The following TRAPPC9 variants were observed in gnomAD, a reference collection of about 807,000 sequenced individuals.
The protein encoded by TRAPPC9 is IKK2 binding protein.
A neutral mutation model predicts 124.0 loss-of-function variants in TRAPPC9; 83 were observed. The observed-to-expected ratio is 0.67, with a 90% CI of 0.56 to 0.80. TRAPPC9 has a LOEUF of 0.80. Among genes scored for constraint, TRAPPC9 ranks in the 30% least tolerant of loss-of-function variants. The pLI, the probability that TRAPPC9 is intolerant of heterozygous loss-of-function variation, is 0.00. For missense variants in TRAPPC9, 1,302 were observed against 1,508.3 expected (o/e 0.86, Z 2.27); for synonymous variants, 638 against 617.5 (o/e 1.03, Z -0.49).
intron 14 of TRAPPC9, among the ~76,000 whole-genome samples, chr8:140,279,601 C>G (rs897844815): frequency 2.4e-4 from 37 of 152,200 alleles, no homozygotes; most frequent in African/African-American, 8.0e-4. Flanking sequence ...CACATTCCTC[C>G]CCAGGGCCCA....
chr8:139,833,658 C>A (rs1347528743), intron 21 of TRAPPC9, among the ~76,000 whole-genome samples: 2 of 152,234 alleles, frequency 1.3e-5, no homozygotes, highest in African/African-American at 4.8e-5. Context: ...CGTGGCCTTC[C>A]CAGCAGAACA....
intron 17 of TRAPPC9, among the ~76,000 whole-genome samples, chr8:140,158,021 G>A (rs1402976035): frequency 1.3e-5 from 2 of 151,988 alleles, no homozygotes; most frequent in African/African-American, 4.8e-5. Flanking sequence ...ATTCCCTGTT[G>A]TTGGACATTT....
chr8:140,099,869 G>GC (rs1387940746), intron 17 of TRAPPC9: 2 of 149,626 alleles, frequency 1.3e-5, no homozygotes, highest in African/African-American at 2.5e-5. Context: ...CTAGGTCTCT[G>GC]CGCAGCTGCA....
chr8:140,358,017 A>G (rs952643461), intron 9 of TRAPPC9, among the ~76,000 whole-genome samples: 5 of 152,192 alleles, frequency 3.3e-5, no homozygotes, highest in African/African-American at 1.2e-4. Flanking sequence ...GGCCACAATA[A>G]GTGGTGTGTG....
intron 17 of TRAPPC9, among the ~76,000 whole-genome samples, chr8:140,134,537 T>TACAGGTGTGAGCCA (rs1222589510): frequency 5.5e-4 from 1 of 1,824 alleles, no homozygotes; most frequent in Non-Finnish European, 8.4e-4. Context: ...GTGCTGGGAT[T>TACAGGTGTGAGCCA]ACATGGTTGG....
chr8:140,384,267 A>C (rs2068694852), intron 7 of TRAPPC9, among the ~76,000 whole-genome samples: 1 of 152,202 alleles, frequency 6.6e-6, no homozygotes, highest in Non-Finnish European at 1.5e-5. Flanking sequence ...CGAGCAAAAT[A>C]ACCAGCTAAC....
chr8:140,115,249 T>G (rs1452132642), intron 17 of TRAPPC9, among the ~76,000 whole-genome samples: 4 of 152,022 alleles, frequency 2.6e-5, no homozygotes, highest in African/African-American at 9.7e-5. Context: ...TGTAAGTGCT[T>G]TGTAAACAGT....
chr8:140,397,367 AAC>A (rs1454983686), intron 7 of TRAPPC9, among the ~76,000 whole-genome samples: 1 of 149,378 alleles, frequency 6.7e-6, no homozygotes, highest in Non-Finnish European at 1.5e-5. Context: ...AAGCTGGTAA[AAC>A]ACAGTTACTT....
At chr8:139,753,775 G>C (rs1199271990) in intron 21 of TRAPPC9, among the ~76,000 whole-genome samples, 2 of 152,208 alleles carry the variant, frequency 1.3e-5, no homozygotes, top group Non-Finnish European at 2.9e-5. Context: ...CATGGACTAA[G>C]GGTGACCGCG....
rs2068275404 is a variant in TRAPPC9 at position 140,371,296 on chromosome 8, C to G, written c.1135-116G>C. The G allele has an allele frequency of 7.0e-6, 8 of 1,146,216 alleles. No homozygotes were observed. The South Asian group carries it at 1.1e-4, about 15-fold the overall frequency. The allele number at this position is 1,146,216 out of a possible 1,614,324, so 71.0% of individuals were successfully genotyped here. The stretch of plus-strand genomic sequence containing the variant: ...AGACCTGAGGAGAATCGAGGAGAAT[C>G]AAGGAGAGGGAAAGCCTGGTGAGCA... On this transcript the variant is annotated intron_variant, in intron 7 of 22. Coordinates refer to ENST00000438773, the MANE Select transcript of TRAPPC9 (RefSeq NM_001160372.4).
At chr8:140,114,881 T>C (rs1177986899) in intron 17 of TRAPPC9, among the ~76,000 whole-genome samples, 2 of 152,200 alleles carry the variant, frequency 1.3e-5, no homozygotes, top group African/African-American at 4.8e-5. Flanking sequence ...ATGAAAAAGA[T>C]GCAATATCCA....
At chr8:140,366,746 A>C (rs1428785900) in intron 8 of TRAPPC9, among the ~76,000 whole-genome samples, 2 of 152,242 alleles carry the variant, frequency 1.3e-5, no homozygotes, top group Non-Finnish European at 2.9e-5. Context: ...TTAAAATTTA[A>C]AACTTCTGCT....
At chr8:139,757,614 T>G (rs1327593292) in intron 21 of TRAPPC9, among the ~76,000 whole-genome samples, 3 of 151,998 alleles carry the variant, frequency 2.0e-5, no homozygotes, top group Non-Finnish European at 2.9e-5. Flanking sequence ...GGCTGTGCAG[T>G]GGGCCCAGTG....
At chr8:140,069,180 T>G (rs973462464) in intron 17 of TRAPPC9, among the ~76,000 whole-genome samples, 1 of 152,232 alleles carries the variant, frequency 6.6e-6, no homozygotes, top group Non-Finnish European at 1.5e-5. Flanking sequence ...ATTCAGTATC[T>G]GCTGAAGAAG....
chr8:139,923,173 G>A (rs533610995), intron 19 of TRAPPC9, among the ~76,000 whole-genome samples: 1 of 151,650 alleles, frequency 6.6e-6, no homozygotes, highest in Admixed American at 6.6e-5. Context: ...AGCCTCCATG[G>A]AAATAAACAT....
intron 19 of TRAPPC9, among the ~76,000 whole-genome samples, chr8:139,964,085 G>A (rs887859390): frequency 2.0e-5 from 3 of 151,980 alleles, no homozygotes. Context: ...TTAGCCGGGC[G>A]TGGTGGCGGG....
At chr8:139,938,081 T>C in intron 19 of TRAPPC9, among the ~76,000 whole-genome samples, 1 of 152,204 alleles carries the variant, frequency 6.6e-6, no homozygotes, top group East Asian at 1.9e-4. Flanking sequence ...TAGGAGAATG[T>C]CTGTAATGAT....
intron 14 of TRAPPC9, among the ~76,000 whole-genome samples, chr8:140,282,584 G>C (rs1009221956): frequency 2.7e-5 from 4 of 149,268 alleles, no homozygotes; most frequent in Non-Finnish European, 5.9e-5. Flanking sequence ...AAAAAATTGA[G>C]ACCATCCCAA....
At chr8:139,858,113 A>C (rs540736664) in intron 21 of TRAPPC9, among the ~76,000 whole-genome samples, 17 of 152,254 alleles carry the variant, frequency 1.1e-4, no homozygotes, top group Non-Finnish European at 1.9e-4. Context: ...TTTGCCTTGA[A>C]AAATGAAATC....
Sources: allele counts gnomAD v4.1 joint callset (sites outside exome capture counted in the v4.1 genomes callset), GRCh38; gene constraint gnomAD v4.1.1; transcripts MANE v1.5; gene names NCBI Gene and HGNC (gene_info 2026-07-23, HGNC 2026-07-21).